Variants in PPP3CB observed in about 807,000 individuals in gnomAD.
PPP3CB encodes the protein protein phosphatase 3 catalytic subunit beta.
In PPP3CB, 8 loss-of-function variants were observed where a neutral mutation model predicts 66.4. The ratio of observed to expected loss-of-function variants is 0.12; its 90% CI spans 0.07 to 0.22. The LOEUF is 0.22. PPP3CB is among the 10% of genes least tolerant of loss of function. PPP3CB has a pLI of 1.00. For missense variants in PPP3CB, 319 were observed against 642.5 expected, an observed-to-expected ratio of 0.50 and a Z score of 5.44; for synonymous variants, 208 against 221.2, an observed-to-expected ratio of 0.94 and a Z score of 0.53.
intron 1 of PPP3CB, among the ~76,000 whole-genome samples, chr10:73,483,314 G>C (rs2132996626): frequency 6.6e-6 from 1 of 152,278 alleles, no homozygotes; most frequent in South Asian, 2.1e-4. Flanking sequence ...AAGCTATAGG[G>C]AATCAATGTT....
intron 12 of PPP3CB, among the ~76,000 whole-genome samples, chr10:73,442,627 G>T (rs564393069): frequency 1.3e-4 from 19 of 151,558 alleles, no homozygotes; most frequent in Non-Finnish European, 2.4e-4. Flanking sequence ...GTACATTCAT[G>T]AAATTCTTTT....
intron 4 of PPP3CB, among the ~76,000 whole-genome samples, chr10:73,473,524 G>T (rs760934222): frequency 5.3e-5 from 8 of 152,100 alleles, no homozygotes; most frequent in African/African-American, 1.9e-4. Context: ...ACGTGGTGGC[G>T]CATGCCTGTA....
chr10:73,445,085 A>G (rs746880473), intron 11 of PPP3CB, among the ~76,000 whole-genome samples: 1 of 152,196 alleles, frequency 6.6e-6, no homozygotes, highest in African/African-American at 2.4e-5. Flanking sequence ...GCATCATACT[A>G]TTGAGAAAAT....
At chr10:73,440,978 A>AC (rs2056137330) in intron 12 of PPP3CB, among the ~76,000 whole-genome samples, 1 of 152,214 alleles carries the variant, frequency 6.6e-6, no homozygotes, top group African/African-American at 2.4e-5. Flanking sequence ...ATAGCACACA[A>AC]CAATACTGGT....
At chr10:73,467,473 G>T (rs79331658) in intron 9 of PPP3CB, 80 bp downstream of exon 9, 1 of 1,171,524 alleles carries the variant, frequency 8.5e-7, no homozygotes, top group Non-Finnish European at 1.1e-6. Context: ...GTTTCCTTTA[G>T]CAAGTATGTG....
intron 1 of PPP3CB, among the ~76,000 whole-genome samples, chr10:73,484,323 G>C (rs2056935272): frequency 6.6e-6 from 1 of 151,658 alleles, no homozygotes; most frequent in Admixed American, 6.6e-5. Flanking sequence ...AGGCTGGAGT[G>C]CAGTGGCGCA....
Position 73,470,189 on chromosome 10 carries a change from TA to T in PPP3CB, c.982+497del, listed in dbSNP as rs149544710. On this transcript the variant is annotated intron_variant, in intron 8 of 13. Transcript: ENST00000360663. ...TCAAATGAGATGAAACTGAATTAAT[TA>T]AAAAAAAGCTCAAATACAAATCTTC... Among the ~76,000 whole-genome samples the T allele has an allele frequency of 4.2e-3, 626 of 149,788 alleles. 5 individuals carry two copies. Among genetic ancestry groups the T allele is most frequent in the African/African-American group, 0.015 (598 of 41,056 alleles).
chr10:73,449,471 A>C (rs562016662), intron 10 of PPP3CB, among the ~76,000 whole-genome samples: 1 of 152,352 alleles, frequency 6.6e-6, no homozygotes, highest in South Asian at 2.1e-4. Context: ...CATATCTTCC[A>C]TTCTAATGCT....
intron 9 of PPP3CB, among the ~76,000 whole-genome samples, chr10:73,459,686 T>C (rs1165140302): frequency 6.6e-6 from 1 of 152,150 alleles, no homozygotes; most frequent in Non-Finnish European, 1.5e-5. Context: ...CTTGAGACCA[T>C]GGAAAGAATC....
At chr10:73,495,602 T>A in intron 1 of PPP3CB, 1 of 696,294 alleles carries the variant, frequency 1.4e-6, no homozygotes, top group Non-Finnish European at 2.0e-6. Flanking sequence ...CGCCCCGGCC[T>A]GAAAGCAACC....
In PPP3CB at chr10:73,464,062, T is replaced by C. The variant is rs961718025; in HGVS notation, c.1108+3491A>G. ...TCTCTGCCTGAGCCTCCCGAGTAGCTGGGATTACAGGCGCCCGCCACCACA... is the reference window on the plus strand; with the variant it reads ...TCTCTGCCTGAGCCTCCCGAGTAGCCGGGATTACAGGCGCCCGCCACCACA... On this transcript the variant is annotated intron_variant, in intron 9 of 13. Coordinates refer to ENST00000360663, the MANE Select transcript of PPP3CB (RefSeq NM_021132.4). Among the ~76,000 whole-genome samples, 60 of 152,284 alleles carry C rather than the reference T, an allele frequency of 3.9e-4. 1 individual carries two copies. The highest frequency in any genetic ancestry group is 3.5e-3 in the Admixed American group (53 of 15,296).
At chr10:73,482,993 C>G (rs555742319) in intron 1 of PPP3CB, among the ~76,000 whole-genome samples, 3 of 152,292 alleles carry the variant, frequency 2.0e-5, no homozygotes, top group Admixed American at 6.5e-5. Context: ...CATAGAACTT[C>G]CTAAAAATCC....
At chr10:73,451,407 T>C (rs2056342093) in intron 10 of PPP3CB, among the ~76,000 whole-genome samples, 1 of 152,036 alleles carries the variant, frequency 6.6e-6, no homozygotes, top group Non-Finnish European at 1.5e-5. Context: ...CCAGTTGTAA[T>C]AGTAATAAGA....
chr10:73,482,529 C>T (rs1209095308), intron 1 of PPP3CB, among the ~76,000 whole-genome samples: 1 of 104,668 alleles, frequency 9.6e-6, no homozygotes, highest in African/African-American at 3.8e-5. Flanking sequence ...GGCGACAGAG[C>T]GAGACTCCGT....
intron 9 of PPP3CB, among the ~76,000 whole-genome samples, chr10:73,462,944 T>G (rs1336879727): frequency 2.5e-5 from 2 of 79,168 alleles, no homozygotes; most frequent in Admixed American, 4.3e-4. Flanking sequence ...AGCAAGACTC[T>G]GTCTCAAAAA....
intron 3 of PPP3CB, chr10:73,477,115 T>C (rs1212042415): frequency 1.9e-6 from 1 of 514,154 alleles, no homozygotes; most frequent in Non-Finnish European, 3.9e-6. Flanking sequence ...TCTCTAAGCC[T>C]CAGGTTCCTC....
intron 1 of PPP3CB, among the ~76,000 whole-genome samples, chr10:73,488,059 T>G (rs1202039951): frequency 6.6e-6 from 1 of 151,856 alleles, no homozygotes; most frequent in Admixed American, 6.6e-5. Context: ...GGGGTTAGGG[T>G]CAGGCAAGTT....
intron 1 of PPP3CB, among the ~76,000 whole-genome samples, chr10:73,490,221 T>C (rs938115888): frequency 1.3e-5 from 2 of 152,232 alleles, no homozygotes; most frequent in Admixed American, 6.5e-5. Context: ...AAGCCCTTCC[T>C]AGACCATTCC....
intron 1 of PPP3CB, among the ~76,000 whole-genome samples, chr10:73,483,942 A>G (rs2056926812): frequency 6.6e-6 from 1 of 151,982 alleles, no homozygotes; most frequent in Non-Finnish European, 1.5e-5. Flanking sequence ...TCAGGAGTTC[A>G]AGACCATCCT....
Sources: gnomAD v4.1 joint callset for allele counts (sites outside exome capture counted in the v4.1 genomes callset) on GRCh38, gnomAD v4.1.1 for gene constraint, MANE v1.5 for transcripts, NCBI Gene and HGNC (gene_info 2026-07-23, HGNC 2026-07-21) for gene names.